Variants in CDH12 observed in about 807,000 individuals in gnomAD.
CDH12 encodes cadherin 12, also known as cadherin-12.
CDH12 carries 41 observed loss-of-function variants against 74.1 expected under a neutral mutation model. The ratio of observed to expected loss-of-function variants is 0.55; its 90% CI spans 0.43 to 0.72. The LOEUF is 0.72. Among genes scored for constraint, CDH12 ranks in the 30% least tolerant of loss-of-function variants. CDH12 has a pLI of 0.00. For missense variants in CDH12, 945 were observed against 977.2 expected (o/e 0.97, Z 0.44); for synonymous variants, 399 against 355.0 (o/e 1.12, Z -1.39).
intron 5 of CDH12, among the ~76,000 whole-genome samples, chr5:21,993,057 G>T (rs1172974497): frequency 1.3e-5 from 2 of 152,038 alleles, no homozygotes; most frequent in Non-Finnish European, 2.9e-5. Flanking sequence ...GAACGATGAG[G>T]GGGACATCTG....
At chr5:21,872,879 C>A (rs2150021270) in intron 6 of CDH12, among the ~76,000 whole-genome samples, 1 of 29,264 alleles carries the variant, frequency 3.4e-5, no homozygotes, top group African/African-American at 1.0e-4. Context: ...ATATATCAAT[C>A]ACCTACCTAT....
intron 1 of CDH12, among the ~76,000 whole-genome samples, chr5:22,742,383 G>T (rs927302235): frequency 1.3e-5 from 2 of 152,110 alleles, no homozygotes; most frequent in African/African-American, 4.8e-5. Context: ...AGGGAGAATA[G>T]CAATAAGACA....
intron 1 of CDH12, among the ~76,000 whole-genome samples, chr5:22,726,199 A>T (rs1343235322): frequency 6.6e-6 from 1 of 151,736 alleles, no homozygotes; most frequent in Non-Finnish European, 1.5e-5. Flanking sequence ...CCATGTATTC[A>T]TTCATCCCTG....
chr5:22,735,499 C>T (rs1744643996), intron 1 of CDH12, among the ~76,000 whole-genome samples: 1 of 151,986 alleles, frequency 6.6e-6, no homozygotes, highest in Admixed American at 6.6e-5. Flanking sequence ...CTATTATATA[C>T]TATGCCATGG....
chr5:22,452,880 C>CAAAAAAAAAAAAAAAAAAAAAAAAG (rs768945480), intron 2 of CDH12, among the ~76,000 whole-genome samples: 1 of 32,204 alleles, frequency 3.1e-5, no homozygotes, highest in Non-Finnish European at 5.2e-5. Context: ...AACCTAAGAG[C>CAAAAAAAAAAAAAAAAAAAAAAAAG]AAAAAAAAAA....
intron 6 of CDH12, among the ~76,000 whole-genome samples, chr5:21,932,363 C>T (rs1203266560): frequency 6.6e-6 from 1 of 152,156 alleles, no homozygotes; most frequent in African/African-American, 2.4e-5. Context: ...GATATTGGAA[C>T]ATCCTTTGAT....
intron 5 of CDH12, among the ~76,000 whole-genome samples, chr5:22,070,921 G>A (rs528791525): frequency 6.6e-6 from 1 of 152,202 alleles, no homozygotes; most frequent in South Asian, 2.1e-4. Flanking sequence ...ATAGGGAGCT[G>A]AACAATGAGA....
intron 4 of CDH12, chr5:22,141,137 A>T (rs1561154055): frequency 6.6e-6 from 1 of 152,178 alleles, no homozygotes. Context: ...AGTGCTCAAC[A>T]TTTATTCATT....
intron 1 of CDH12, among the ~76,000 whole-genome samples, chr5:22,700,904 T>G (rs1742678535): frequency 6.6e-6 from 1 of 152,188 alleles, no homozygotes; most frequent in South Asian, 2.1e-4. Flanking sequence ...TTGTAAGATA[T>G]TCTTAGAACA....
chr5:22,583,252 G>C (rs907846670), intron 1 of CDH12, among the ~76,000 whole-genome samples: 2 of 152,094 alleles, frequency 1.3e-5, no homozygotes, highest in Admixed American at 6.6e-5. Flanking sequence ...TGAAGACATA[G>C]AAACTATGTA....
At chr5:22,660,748 A>G (rs938946127) in intron 1 of CDH12, among the ~76,000 whole-genome samples, 2 of 152,178 alleles carry the variant, frequency 1.3e-5, no homozygotes, top group African/African-American at 4.8e-5. Context: ...ATTTTGAAAC[A>G]TATTTTGTGC....
chr5:22,228,345 T>C (rs1243811626), intron 3 of CDH12, among the ~76,000 whole-genome samples: 2 of 152,104 alleles, frequency 1.3e-5, no homozygotes, highest in African/African-American at 2.4e-5. Context: ...CTACCACAAA[T>C]TTCAGACCAT....
intron 1 of CDH12, among the ~76,000 whole-genome samples, chr5:22,524,695 G>A (rs1332267439): frequency 2.6e-5 from 4 of 151,994 alleles, no homozygotes; most frequent in African/African-American, 9.7e-5. Context: ...AGCAACACAG[G>A]CTTCCATATC....
At chr5:22,688,309 T>C (rs1002234913) in intron 1 of CDH12, among the ~76,000 whole-genome samples, 8 of 152,220 alleles carry the variant, frequency 5.3e-5, no homozygotes, top group Non-Finnish European at 1.0e-4. Context: ...AATGTAAACA[T>C]ATAATTATTT....
intron 6 of CDH12, among the ~76,000 whole-genome samples, chr5:21,893,118 T>C (rs147294351): frequency 3.9e-4 from 60 of 152,316 alleles, no homozygotes; most frequent in Admixed American, 1.5e-3. Flanking sequence ...AACATCAACA[T>C]CTGCTAGCAG....
chr5:22,570,318 G>A (rs185173095), intron 1 of CDH12, among the ~76,000 whole-genome samples: 1 of 151,904 alleles, frequency 6.6e-6, no homozygotes, highest in Admixed American at 6.6e-5. Flanking sequence ...TGAAGTGCTG[G>A]GATTACAGGC....
At chr5:22,429,102 CTATTTTATTTTATTTTATTT>C (rs546752099) in intron 2 of CDH12, among the ~76,000 whole-genome samples, 1 of 144,874 alleles carries the variant, frequency 6.9e-6, no homozygotes. Flanking sequence ...CACTTTTATT[CTATTTTATTTTATTTTATTT>C]TATTTTATTT....
chr5:22,787,222 C>T (rs1316236674), intron 1 of CDH12, among the ~76,000 whole-genome samples: 1 of 152,016 alleles, frequency 6.6e-6, no homozygotes, highest in Non-Finnish European at 1.5e-5. Context: ...TCTGTTCTCT[C>T]CTCTTTTATT....
intron 2 of CDH12, among the ~76,000 whole-genome samples, chr5:22,474,578 G>A (rs1004070820): frequency 1.3e-5 from 2 of 152,216 alleles, no homozygotes; most frequent in African/African-American, 4.8e-5. Context: ...TAATCTGGTA[G>A]AGTTATGGTG....
Sources: allele counts gnomAD v4.1 joint callset (sites outside exome capture counted in the v4.1 genomes callset), GRCh38; gene constraint gnomAD v4.1.1; transcripts MANE v1.5; gene names NCBI Gene and HGNC (gene_info 2026-07-23, HGNC 2026-07-21).